Variants in CFI observed in about 807,000 individuals in gnomAD.
The protein encoded by CFI is complement factor I, also known as C3B/C4B inactivator.
CFI carries 66 observed loss-of-function variants against 78.8 expected under a neutral mutation model. The ratio of observed to expected loss-of-function variants is 0.84; its 90% CI spans 0.69 to 1.03. The LOEUF is 1.03. Among genes scored for constraint, CFI ranks in the 50% least tolerant of loss-of-function variants. CFI has a pLI of 0.00. For synonymous variants in CFI, 250 were observed against 232.6 expected, an observed-to-expected ratio of 1.07 and a Z score of -0.68; for missense variants, 706 against 704.5, an observed-to-expected ratio of 1.00 and a Z score of -0.02.
chr4:109,753,217 A>T (rs184632323), intron 7 of CFI, among the ~76,000 whole-genome samples: 984 of 1,686 alleles, frequency 0.58, 466 homozygotes, highest in East Asian at 1. Context: ...ATATATTTAT[A>T]ATATATTTAT....
Position 109,761,574 on chromosome 4 carries a change from T to C in CFI, c.601A>G (p.Arg201Gly), listed in dbSNP as rs887070139. ...AAATCCTGGTAACCCATAGTTCTTC[T>C]CTTAGTAAAAGTACATTCAGCCAAA... ...TSLAECTFTK[R>G]RTMGYQDFAD... The change falls in exon 4 of 13, where the codon AGA (arginine) becomes GGA (glycine). Residue 201 changes from arginine to glycine, a missense_variant. Coordinates refer to ENST00000394634, the MANE Select transcript of CFI (RefSeq NM_000204.5). The C allele has an allele frequency of 6.8e-6, 11 of 1,614,166 alleles. No homozygotes were observed. The highest frequency in any genetic ancestry group is 8.5e-6 in the Non-Finnish European group (10 of 1,180,022).
At chr4:109,763,510 A>G (rs369246800) in intron 3 of CFI, among the ~76,000 whole-genome samples, 4 of 152,230 alleles carry the variant, frequency 2.6e-5, no homozygotes, top group East Asian at 1.9e-4. Context: ...AAGTAAGTAT[A>G]ATAAGGTAAA....
At chr4:109,782,817 G>T (rs561163689) in intron 1 of CFI, among the ~76,000 whole-genome samples, 1 of 152,054 alleles carries the variant, frequency 6.6e-6, no homozygotes, top group Non-Finnish European at 1.5e-5. Context: ...TGTCGTACTG[G>T]TATAAAAATA....
chr4:109,754,345 A>G (rs1579196115), intron 7 of CFI, among the ~76,000 whole-genome samples: 1 of 151,076 alleles, frequency 6.6e-6, no homozygotes, highest in Non-Finnish European at 1.5e-5. Flanking sequence ...TCCTGAGCTG[A>G]CATGAAAAAG....
intron 7 of CFI, among the ~76,000 whole-genome samples, chr4:109,756,923 AAG>A (rs1491512217): frequency 6.8e-6 from 1 of 146,978 alleles, no homozygotes; most frequent in Non-Finnish European, 1.5e-5. Flanking sequence ...GAAAGAAAGA[AAG>A]AAAGAAAGAA....
chr4:109,743,963 C>T (rs1038114807), intron 11 of CFI, among the ~76,000 whole-genome samples: 1 of 151,118 alleles, frequency 6.6e-6, no homozygotes, highest in Non-Finnish European at 1.5e-5. Context: ...TTAGCCTGGA[C>T]AACAGAGCAA....
chr4:109,752,719 C>T (rs1233469669), intron 7 of CFI, among the ~76,000 whole-genome samples: 1 of 150,308 alleles, frequency 6.7e-6, no homozygotes, highest in South Asian at 2.1e-4. Flanking sequence ...GAAATTCTTG[C>T]TGGCACAAAC....
chr4:109,798,355 G>C (rs1380728118), intron 1 of CFI, among the ~76,000 whole-genome samples: 3 of 152,192 alleles, frequency 2.0e-5, no homozygotes, highest in Non-Finnish European at 4.4e-5. Flanking sequence ...TAAATAAAGA[G>C]AGTGAGAGGA....
At chr4:109,781,847 G>A (rs1454327866) in intron 1 of CFI, among the ~76,000 whole-genome samples, 4 of 152,056 alleles carry the variant, frequency 2.6e-5, no homozygotes, top group Non-Finnish European at 5.9e-5. Context: ...ATGCAGGGGT[G>A]GTTTAACATA....
At chr4:109,749,157 A>G (rs1051330007) in intron 10 of CFI, 61 bp downstream of exon 10, 14 of 1,383,082 alleles carry the variant, frequency 1.0e-5, no homozygotes, top group African/African-American at 1.4e-5. Context: ...ATCTGCCACA[A>G]TCTCTATTAC....
At chr4:109,741,137 TCA>T in intron 12 of CFI, 27 bp from the exon 13 acceptor site, 1 of 1,613,556 alleles carries the variant, frequency 6.2e-7, no homozygotes, top group Non-Finnish European at 8.5e-7. Flanking sequence ...AAAGAGAAAA[TCA>T]CACATTTCCT....
chr4:109,775,552 T>C (rs1227864455), intron 1 of CFI, among the ~76,000 whole-genome samples: 1 of 152,224 alleles, frequency 6.6e-6, no homozygotes, highest in African/African-American at 2.4e-5. Context: ...TGCCTGCCTC[T>C]GTAGACTCCA....
intron 12 of CFI, 194 bp downstream of exon 12, chr4:109,742,297 A>G (rs1723894631): frequency 3.4e-6 from 2 of 591,616 alleles, no homozygotes; most frequent in Non-Finnish European, 6.1e-6. Context: ...CTTAAGGAGG[A>G]TTTTTCCTCA....
At position 109,792,987 on chromosome 4, in the gene CFI, C is replaced by T. The variant is rs1731569986; in HGVS notation, c.57+8928G>A. On this transcript the variant is annotated intron_variant, in intron 1 of 12. Transcript: ENST00000394634. ...GTAATTGCTGATAAGAAAGGACTTA[C>T]TCTTCTATTTGCTATTTGTTTATTG... 2.0e-5 allele frequency among the ~76,000 whole-genome samples: 3 copies of T among 152,094 alleles called. 1 individual carries two copies. In the South Asian group the frequency reaches 6.2e-4, roughly 32 times the overall value.
chr4:109,746,675 G>T (rs962211622), intron 10 of CFI, among the ~76,000 whole-genome samples, 173 bp from the exon 11 acceptor site: 4 of 152,160 alleles, frequency 2.6e-5, no homozygotes, highest in African/African-American at 9.7e-5. Context: ...GCAGAATTAG[G>T]TCAATGGTAA....
At chr4:109,738,830 G>A (rs1723535209), downstream of CFI, among the ~76,000 whole-genome samples, 1 of 152,190 alleles carries the variant, frequency 6.6e-6, no homozygotes, top group Non-Finnish European at 1.5e-5. Context: ...AATCCTGTCT[G>A]ACGGCAACAG....
intron 7 of CFI, among the ~76,000 whole-genome samples, chr4:109,755,555 G>A (rs1161507727): frequency 1.3e-5 from 2 of 152,086 alleles, no homozygotes; most frequent in Non-Finnish European, 2.9e-5. Flanking sequence ...GAGTGGGTTA[G>A]CTGTAGTGAG....
intron 11 of CFI, among the ~76,000 whole-genome samples, chr4:109,744,206 A>T (rs1724147992): frequency 6.6e-6 from 1 of 152,248 alleles, no homozygotes; most frequent in Admixed American, 6.5e-5. Context: ...TTTTAAAAAT[A>T]AATGAGGAAT....
rs748808959 is a variant in CFI at position 109,760,499 on chromosome 4, T to C, written c.772+24A>G. On this transcript the variant is annotated intron_variant, in intron 5 of 12. Transcript: ENST00000394634. ...TAGTCAGAAAAATGAATTTAGAGGA[T>C]TTAGAGGCTAGATTTATGTCTACCT... is the stretch of plus-strand genomic sequence containing the variant. 6.7e-6 allele frequency: 10 copies of C among 1,495,994 alleles called. No homozygotes were observed. In the Admixed American group the frequency reaches 1.5e-4, roughly 22 times the overall value. The allele number at this position is 1,495,994 out of a possible 1,614,324, so 92.7% of individuals were successfully genotyped here.
Sources: allele counts gnomAD v4.1 joint callset (sites outside exome capture counted in the v4.1 genomes callset), GRCh38; gene constraint gnomAD v4.1.1; transcripts MANE v1.5; gene names NCBI Gene and HGNC (gene_info 2026-07-23, HGNC 2026-07-21).